COL11A1: variants seen among roughly 807,000 people sequenced by gnomAD.
The protein encoded by COL11A1 is collagen alpha-1(XI) chain.
In COL11A1, 74 loss-of-function variants were observed where a neutral mutation model predicts 265.2. The ratio of observed to expected loss-of-function variants is 0.28; its 90% confidence interval spans 0.23 to 0.34. The LOEUF (loss-of-function observed/expected upper bound fraction) is 0.34. Among genes scored for constraint, COL11A1 ranks in the 10% least tolerant of loss-of-function variants. The pLI is 1.00. For missense variants in COL11A1, 2,165 were observed against 2,263.6 expected, an observed-to-expected ratio of 0.96 and a Z score of 0.88; for synonymous variants, 816 against 727.6, an observed-to-expected ratio of 1.12 and a Z score of -1.96.
chr1:102,903,717 GTGA>G (rs1003269017), intron 54 of COL11A1, among the ~76,000 whole-genome samples: 1 of 152,162 alleles, frequency 6.6e-6, no homozygotes, highest in Non-Finnish European at 1.5e-5. Flanking sequence ...AAGGTTTGTG[GTGA>G]CAGTATTCTC....
chr1:102,943,661 C>A (rs1331347319), intron 42 of COL11A1, among the ~76,000 whole-genome samples: 1 of 152,110 alleles, frequency 6.6e-6, no homozygotes, highest in African/African-American at 2.4e-5. Context: ...CCCAGACTTA[C>A]AATTCTGGCA....
intron 49 of COL11A1, among the ~76,000 whole-genome samples, chr1:102,916,985 T>C (rs1297539863): frequency 6.6e-6 from 1 of 151,868 alleles, no homozygotes; most frequent in South Asian, 2.1e-4. Flanking sequence ...TGTTAAAATA[T>C]TTATTTAGAA....
chr1:102,995,303 T>G (rs921746710), intron 28 of COL11A1, among the ~76,000 whole-genome samples: 2 of 152,148 alleles, frequency 1.3e-5, no homozygotes, highest in Admixed American at 1.3e-4. Context: ...AGATGCCATA[T>G]GCATTCATAG....
At chr1:102,944,508 G>A (rs1659049616) in intron 42 of COL11A1, among the ~76,000 whole-genome samples, 1 of 152,126 alleles carries the variant, frequency 6.6e-6, no homozygotes, top group African/African-American at 2.4e-5. Flanking sequence ...GGATGGGGAA[G>A]CAAGGCATTC....
intron 41 of COL11A1, among the ~76,000 whole-genome samples, chr1:102,959,189 C>A (rs1319887943): frequency 1.3e-5 from 2 of 152,178 alleles, no homozygotes; most frequent in Middle Eastern, 3.2e-3. Flanking sequence ...TCCACTTGTT[C>A]TGTACATTTC....
chr1:103,037,156 A>G (rs1668439191), intron 4 of COL11A1, among the ~76,000 whole-genome samples: 1 of 149,990 alleles, frequency 6.7e-6, no homozygotes, highest in Non-Finnish European at 1.5e-5. Context: ...ATATATATAT[A>G]TAAAGTCTAT....
intron 24 of COL11A1, among the ~76,000 whole-genome samples, chr1:102,999,317 T>C (rs1664906063): frequency 6.6e-6 from 1 of 151,984 alleles, no homozygotes; most frequent in Non-Finnish European, 1.5e-5. Flanking sequence ...AACCTTTAAA[T>C]TGAAAAGTGA....
At chr1:103,057,225 C>A (rs970327333) in intron 4 of COL11A1, among the ~76,000 whole-genome samples, 16 of 152,160 alleles carry the variant, frequency 1.1e-4, no homozygotes, top group African/African-American at 3.6e-4. Flanking sequence ...ATATTCACAA[C>A]CTCTTCACCA....
intron 13 of COL11A1, among the ~76,000 whole-genome samples, chr1:103,012,704 G>T (rs1386025426): frequency 6.6e-6 from 1 of 152,006 alleles, no homozygotes; most frequent in Non-Finnish European, 1.5e-5. Context: ...AATATATATT[G>T]CTATGACTTA....
chr1:103,026,086 TCA>T lies in COL11A1; in HGVS notation c.897+128_897+129del, dbSNP rs771686946. ...CAAAACGGCTACTGTCAAATAAAAA[TCA>T]CAGTTATTGGTTCAGAGAAATAAGA... is the stretch of plus-strand genomic sequence containing the variant. On this transcript the variant is annotated intron_variant, in intron 6 of 66. Transcript: ENST00000370096. 68 of 1,210,796 alleles carry T rather than the reference TCA, an allele frequency of 5.6e-5. 1 individual carries two copies. The South Asian group carries it at 7.8e-4, about 14-fold the overall frequency. The allele number at this position is 1,210,796 out of a possible 1,614,324, so 75.0% of individuals were successfully genotyped here. A position where few individuals can be genotyped will look rare whatever the true frequency, so the allele number is the denominator to read the frequency against.
chr1:102,975,626 T>C (rs928972921), intron 35 of COL11A1, among the ~76,000 whole-genome samples: 2 of 152,262 alleles, frequency 1.3e-5, no homozygotes, highest in Admixed American at 6.5e-5. Flanking sequence ...AGTGACTCCA[T>C]TGTTGGCAGA....
intron 24 of COL11A1, among the ~76,000 whole-genome samples, chr1:102,998,815 T>A (rs1461868114): frequency 2.6e-5 from 4 of 151,882 alleles, no homozygotes; most frequent in African/African-American, 7.2e-5. Context: ...TTTTGTGCAA[T>A]GTTATGGTAT....
chr1:102,977,786 G>A (rs551455620), intron 35 of COL11A1, among the ~76,000 whole-genome samples: 49 of 152,012 alleles, frequency 3.2e-4, no homozygotes, highest in East Asian at 5.8e-4. Context: ...AACATTTAGC[G>A]GAAAATTAAT....
At chr1:102,889,385 G>C (rs1252021935) in intron 59 of COL11A1, 70 bp downstream of exon 59, 1 of 646,218 alleles carries the variant, frequency 1.5e-6, no homozygotes, top group South Asian at 2.1e-5. Context: ...TTAAAGGACT[G>C]TGTGTGTGTG....
chr1:102,913,338 T>A (rs1359878797), intron 53 of COL11A1, among the ~76,000 whole-genome samples: 1 of 152,210 alleles, frequency 6.6e-6, no homozygotes. Flanking sequence ...GTATTATTAG[T>A]GATTTTAATT....
intron 4 of COL11A1, among the ~76,000 whole-genome samples, chr1:103,042,050 T>C (rs1383316672): frequency 6.6e-6 from 1 of 152,074 alleles, no homozygotes; most frequent in Non-Finnish European, 1.5e-5. Context: ...ATTATATTTC[T>C]CCTATAACTT....
At chr1:102,974,935 A>T (rs914112893) in intron 35 of COL11A1, 52 bp from the exon 36 acceptor site, 1 of 1,321,680 alleles carries the variant, frequency 7.6e-7, no homozygotes, top group East Asian at 2.3e-5. Context: ...TAGAAGATGC[A>T]TCTTTATACT....
At chr1:102,946,413 C>A (rs543753449) in intron 42 of COL11A1, among the ~76,000 whole-genome samples, 1 of 152,070 alleles carries the variant, frequency 6.6e-6, no homozygotes, top group South Asian at 2.1e-4. Context: ...CACTGGCGAT[C>A]GGAGCTCAGA....
In COL11A1 at chr1:102,952,975, G is replaced by T. The variant is rs950292274; in HGVS notation, c.3169-6019C>A. ...AAAACTCCATGTTCAACACTAATGAGAATCTATTCTCTTGGGACACTTGAT... is the reference window on the plus strand; with the variant it reads ...AAAACTCCATGTTCAACACTAATGATAATCTATTCTCTTGGGACACTTGAT... On this transcript the variant is annotated intron_variant, in intron 41 of 66. Transcript: ENST00000370096. Among the ~76,000 whole-genome samples the T allele has an allele frequency of 2.6e-5, 4 of 152,164 alleles. No individual in the cohort carries two copies. The South Asian group carries it at 8.3e-4, about 31-fold the overall frequency.
Sources: allele counts gnomAD v4.1 joint callset (sites outside exome capture counted in the v4.1 genomes callset), GRCh38; gene constraint gnomAD v4.1.1; transcripts MANE v1.5; gene names NCBI Gene and HGNC (gene_info 2026-07-23, HGNC 2026-07-21).